Variants in DIAPH2 observed in about 807,000 individuals in gnomAD.
DIAPH2 encodes diaphanous related formin 2.
DIAPH2 carries 35 observed loss-of-function variants against 92.7 expected under a neutral mutation model. The observed-to-expected ratio is 0.38, with a 90% confidence interval of 0.29 to 0.50. The LOEUF (loss-of-function observed/expected upper bound fraction) is 0.50, where lower values mean the gene tolerates loss of function less well. Ranked by LOEUF, DIAPH2 falls within the 20% of genes least tolerant of loss-of-function variation. The probability of loss-of-function intolerance (pLI) is 0.94; values close to 1 mark genes in which losing one functional copy is unlikely to be tolerated. For synonymous variants in DIAPH2, 301 were observed against 280.4 expected, an observed-to-expected ratio of 1.07 and a Z score of -0.73; for missense variants, 701 against 819.5, an observed-to-expected ratio of 0.86 and a Z score of 1.77.
intron 5 of DIAPH2, among the ~76,000 whole-genome samples, chrX:96,902,993 C>T (rs180898797): frequency 5.3e-4 from 59 of 111,335 alleles, no homozygotes; most frequent in African/African-American, 1.8e-3. Flanking sequence ...TCTTTGTCTA[C>T]GTAGCTATCA....
At chrX:96,973,217 G>T (rs1052358282) in intron 17 of DIAPH2, among the ~76,000 whole-genome samples, 7 of 112,000 alleles carry the variant, frequency 6.3e-5, no homozygotes, top group African/African-American at 2.3e-4. Context: ...AATATAATAC[G>T]CTGAGCGTCG....
At chrX:96,997,094 T>A (rs1177454641) in intron 17 of DIAPH2, among the ~76,000 whole-genome samples, 2 of 111,669 alleles carry the variant, frequency 1.8e-5, no homozygotes, top group African/African-American at 6.5e-5. Context: ...ATAAACACAA[T>A]TGTTTTAAAG....
chrX:96,714,255 TTG>T (rs1202230359), intron 1 of DIAPH2, among the ~76,000 whole-genome samples: 1 of 108,924 alleles, frequency 9.2e-6, no homozygotes, highest in Non-Finnish European at 1.9e-5. Flanking sequence ...TATCATAAGT[TTG>T]TGTGTGTGTT....
intron 4 of DIAPH2, among the ~76,000 whole-genome samples, chrX:96,791,448 G>A (rs2064500302): frequency 9.1e-6 from 1 of 110,194 alleles, no homozygotes; most frequent in Non-Finnish European, 1.9e-5. Context: ...TGAGGCATGA[G>A]GATTGCTTGA....
intron 22 of DIAPH2, among the ~76,000 whole-genome samples, chrX:97,239,834 ATCTCTCTCTC>A: frequency 1.0e-5 from 1 of 98,135 alleles, no homozygotes; most frequent in African/African-American, 3.7e-5. Context: ...TCTAGTAAAA[ATCTCTCTCTC>A]TCTCTCTCTC....
intron 23 of DIAPH2, among the ~76,000 whole-genome samples, chrX:97,347,087 T>C (rs1177601252): frequency 1.1e-5 from 1 of 94,952 alleles, no homozygotes; most frequent in Non-Finnish European, 2.1e-5. Flanking sequence ...TATAACCTCT[T>C]TTTTTTTTTT....
intron 23 of DIAPH2, among the ~76,000 whole-genome samples, chrX:97,290,609 C>T (rs1463315951): frequency 8.9e-6 from 1 of 112,534 alleles, no homozygotes; most frequent in Non-Finnish European, 1.9e-5. Context: ...TGTGTGACTG[C>T]ACAGGACTTA....
intron 23 of DIAPH2, among the ~76,000 whole-genome samples, chrX:97,275,679 G>A (rs1444908901): frequency 9.3e-6 from 1 of 107,659 alleles, no homozygotes; most frequent in Admixed American, 9.8e-5. Flanking sequence ...CATCCCAGAC[G>A]GGGCGGCGGG....
At chrX:97,537,155 G>A (rs2071102452) in intron 26 of DIAPH2, among the ~76,000 whole-genome samples, 1 of 111,306 alleles carries the variant, frequency 9.0e-6, no homozygotes, top group Non-Finnish European at 1.9e-5. Flanking sequence ...ACGTCAGTAG[G>A]TAAAAATGGG....
chrX:97,016,333 A>G (rs185049071), intron 17 of DIAPH2, among the ~76,000 whole-genome samples: 9 of 112,586 alleles, frequency 8.0e-5, no homozygotes, highest in Non-Finnish European at 1.3e-4. Context: ...GCAGAAAGTG[A>G]AAACATATTT....
intron 4 of DIAPH2, among the ~76,000 whole-genome samples, chrX:96,785,315 A>T (rs965619015): frequency 9.1e-6 from 1 of 110,030 alleles, no homozygotes; most frequent in Non-Finnish European, 1.9e-5. Context: ...ACAGAAATGT[A>T]TTTTCTCACA....
At chrX:97,528,876 C>G (rs1288005972) in intron 26 of DIAPH2, 1 of 110,794 alleles carries the variant, frequency 9.0e-6, no homozygotes, top group Non-Finnish European at 1.9e-5. Flanking sequence ...GTCAGGAGAC[C>G]AGCTTGGCCA....
chrX:97,577,467 A>C (rs1425920777), intron 26 of DIAPH2, among the ~76,000 whole-genome samples: 1 of 112,218 alleles, frequency 8.9e-6, no homozygotes, highest in Non-Finnish European at 1.9e-5. Context: ...CTATAATTGA[A>C]AGCTGAATTG....
At chrX:97,460,857 T>C (rs893458774) in intron 26 of DIAPH2, among the ~76,000 whole-genome samples, 3 of 112,021 alleles carry the variant, frequency 2.7e-5, no homozygotes, top group Non-Finnish European at 5.6e-5. Context: ...TGAAGGAGCG[T>C]GGAACAAGGA....
chrX:97,120,673 T>C, intron 21 of DIAPH2, among the ~76,000 whole-genome samples: 1 of 99,882 alleles, frequency 1.0e-5, no homozygotes, highest in South Asian at 5.3e-4. Context: ...GTATATACTA[T>C]ATATAGCCCA....
intron 1 of DIAPH2, among the ~76,000 whole-genome samples, chrX:96,722,735 G>A (rs767799678): frequency 8.1e-5 from 9 of 111,209 alleles, no homozygotes; most frequent in South Asian, 3.8e-4. Context: ...AGAAATTATC[G>A]CACTATGATA....
At chrX:97,461,511 A>G (rs1392666857) in intron 26 of DIAPH2, among the ~76,000 whole-genome samples, 1 of 111,977 alleles carries the variant, frequency 8.9e-6, no homozygotes, top group Admixed American at 9.5e-5. Flanking sequence ...TGGTTAATCC[A>G]TAATTCAGCA....
chrX:97,556,069 G>T (rs1402993984), intron 26 of DIAPH2, among the ~76,000 whole-genome samples: 2 of 111,626 alleles, frequency 1.8e-5, no homozygotes, highest in African/African-American at 3.3e-5. Context: ...TTTGGCTGTG[G>T]CCTCAAGATC....
chrX:97,202,503 A>G (rs1048006197), intron 22 of DIAPH2, among the ~76,000 whole-genome samples: 1 of 111,917 alleles, frequency 8.9e-6, no homozygotes, highest in Non-Finnish European at 1.9e-5. Context: ...AAAATAAAAA[A>G]TAAAAAATAA....
Sources: allele counts gnomAD v4.1 joint callset (sites outside exome capture counted in the v4.1 genomes callset), GRCh38; gene constraint gnomAD v4.1.1; transcripts MANE v1.5; gene names NCBI Gene and HGNC (gene_info 2026-07-23, HGNC 2026-07-21).